Variants in PIGK observed in about 807,000 individuals in gnomAD.
PIGK encodes the protein GPI-anchor transamidase.
Under a neutral mutation model 50.6 loss-of-function variants are expected in PIGK, and 42 were observed. The ratio of observed to expected loss-of-function variants is 0.83; its 90% CI spans 0.65 to 1.07. The LOEUF (loss-of-function observed/expected upper bound fraction) is 1.07. PIGK is among the 50% of genes least tolerant of loss of function. The pLI, the probability that PIGK is intolerant of heterozygous loss-of-function variation, is 0.00. For synonymous variants in PIGK, 151 were observed against 156.0 expected (o/e 0.97, Z 0.24); for missense variants, 448 against 488.7 (o/e 0.92, Z 0.78).
intron 10 of PIGK, among the ~76,000 whole-genome samples, chr1:77,108,458 T>G (rs899340158): frequency 6.6e-6 from 1 of 152,148 alleles, no homozygotes; most frequent in East Asian, 1.9e-4. Context: ...CCGAGAGATC[T>G]GCTGTTAGTC....
rs200985315 is a variant in PIGK, at chr1:77,189,748, TACAC to T, written c.239+16888_239+16891del. Among the ~76,000 whole-genome samples the T allele has an allele frequency of 5.0e-3, 268 of 53,896 alleles. 2 individuals carry two copies. The highest frequency in any genetic ancestry group is 0.034 in the Middle Eastern group (3 of 88). The allele number at this position is 53,896 out of a possible 152,430, so 35.4% of individuals were successfully genotyped here. ...ATATATATATATATATATATATATATACACACACACACACACACACACACACACA... is the reference window on the plus strand; with the variant it reads ...ATATATATATATATATATATATATATACACACACACACACACACACACACA... On this transcript the variant is annotated intron_variant, in intron 3 of 10. Transcript: ENST00000370812.
intron 10 of PIGK, among the ~76,000 whole-genome samples, chr1:77,109,599 G>A (rs1653789362): frequency 6.6e-6 from 1 of 152,114 alleles, no homozygotes. Context: ...AGGTATTGAT[G>A]GGATGTTATC....
intron 5 of PIGK, among the ~76,000 whole-genome samples, chr1:77,166,036 A>T (rs1382346042): frequency 6.6e-6 from 1 of 152,238 alleles, no homozygotes; most frequent in Non-Finnish European, 1.5e-5. Flanking sequence ...GAGCTTAAAC[A>T]AATGTTTGAA....
At chr1:77,154,331 G>T (rs1654958912) in intron 9 of PIGK, 118 bp downstream of exon 9, 2 of 664,166 alleles carry the variant, frequency 3.0e-6, no homozygotes, top group East Asian at 5.4e-5. Context: ...TGAAGACTGG[G>T]TATAAATGTG....
At chr1:77,213,579 G>C (rs919072222) in intron 1 of PIGK, among the ~76,000 whole-genome samples, 8 of 151,998 alleles carry the variant, frequency 5.3e-5, no homozygotes, top group South Asian at 2.1e-4. Flanking sequence ...CTAAAAGGTA[G>C]GTTTATTGCA....
chr1:77,134,299 A>T (rs1382139487), intron 9 of PIGK, among the ~76,000 whole-genome samples: 1 of 152,174 alleles, frequency 6.6e-6, no homozygotes, highest in Non-Finnish European at 1.5e-5. Context: ...CATCCTGAAG[A>T]TGTTTATCTC....
chr1:77,206,561 C>A, intron 3 of PIGK, 79 bp downstream of exon 3: 3 of 829,398 alleles, frequency 3.6e-6, no homozygotes, highest in African/African-American at 1.7e-5. Context: ...AAAAGTAACA[C>A]AAAATACAAA....
chr1:77,197,114 T>C (rs903364251), intron 3 of PIGK, among the ~76,000 whole-genome samples: 7 of 152,138 alleles, frequency 4.6e-5, no homozygotes, highest in Admixed American at 1.3e-4. Context: ...ATCAACGTAA[T>C]TAGAAAACAT....
At chr1:77,182,185 G>A (rs1655630069) in intron 3 of PIGK, among the ~76,000 whole-genome samples, 1 of 152,152 alleles carries the variant, frequency 6.6e-6, no homozygotes, top group African/African-American at 2.4e-5. Flanking sequence ...AAAGTTACAT[G>A]TGGTTGAATA....
At position 77,118,721 on chromosome 1, in the gene PIGK, G is replaced by A. The variant is rs114969282; in HGVS notation, c.1071+3554C>T. Among the ~76,000 whole-genome samples the A allele has an allele frequency of 2.7e-3, 417 of 152,198 alleles. 1 individual carries two copies. The highest frequency in any genetic ancestry group is 9.2e-3 in the African/African-American group (384 of 41,526). On this transcript the variant is annotated intron_variant, in intron 10 of 10. Transcript: ENST00000370812. ...ATCAACTCTCTCAGCATAATTTATT[G>A]AATGATCTTTTAATTTCCCATTGAT...
Position 77,209,420 on chromosome 1 carries a change from T to C in PIGK, c.147+1016A>G, listed in dbSNP as rs1386160014. Among the ~76,000 whole-genome samples the C allele has an allele frequency of 8.5e-5, 13 of 152,070 alleles. 1 individual carries two copies. The highest frequency in any genetic ancestry group is 7.9e-4 in the Admixed American group (12 of 15,264). On this transcript the variant is annotated intron_variant, in intron 2 of 10. Transcript: ENST00000370812. ...AAAAGGGCCAATAAGCAGGCCTTAC[T>C]AAAAATCAAAACAATGCAAATTAAA...
chr1:77,190,309 G>A (rs2100575459), intron 3 of PIGK, among the ~76,000 whole-genome samples: 1 of 152,250 alleles, frequency 6.6e-6, no homozygotes, highest in Non-Finnish European at 1.5e-5. Context: ...GCCGAGGCGG[G>A]AGGACTGCCT....
At chr1:77,163,796 G>A (rs763069049) in intron 6 of PIGK, 50 bp downstream of exon 6, 2 of 968,374 alleles carry the variant, frequency 2.1e-6, no homozygotes, top group South Asian at 3.0e-5. Flanking sequence ...CGAACCATGT[G>A]AAAATTAGGT....
chr1:77,148,625 A>G (rs1307230648), intron 9 of PIGK, among the ~76,000 whole-genome samples: 1 of 151,926 alleles, frequency 6.6e-6, no homozygotes, highest in Non-Finnish European at 1.5e-5. Flanking sequence ...ATGTCGGGGG[A>G]GAGGGAGTTA....
intron 1 of PIGK, among the ~76,000 whole-genome samples, chr1:77,215,038 AG>A: frequency 6.6e-6 from 1 of 152,150 alleles, no homozygotes; most frequent in South Asian, 2.1e-4. Flanking sequence ...TTGAATTGGA[AG>A]AATAAATACT....
rs1428064163 is a variant in PIGK, at chr1:77,195,102, G to A, written c.239+11538C>T. 13 of 1,116,518 alleles carry A rather than the reference G, an allele frequency of 1.2e-5. No individual in the cohort carries two copies. In the Admixed American group the frequency reaches 2.3e-4, roughly 20 times the overall value. 69.2% of individuals were successfully genotyped at this position (1,116,518 alleles called of 1,614,324 possible). Reference sequence around the variant, plus strand: ...GGAACAACCCAGACTGGTGAGGTGTGGTCATATTACACAGGAAGGAGGGTG... The same window carrying A: ...GGAACAACCCAGACTGGTGAGGTGTAGTCATATTACACAGGAAGGAGGGTG... On this transcript the variant is annotated intron_variant, in intron 3 of 10. Transcript: ENST00000370812.
At position 77,089,948 on chromosome 1, in the gene PIGK, T is replaced by TG. The variant is rs547086126; in HGVS notation, c.*2425dup. On this transcript the variant is annotated 3_prime_UTR_variant, in exon 11 of 11. Coordinates refer to ENST00000370812, the MANE Select transcript of PIGK (RefSeq NM_005482.3). ...TTCCTTTTCTCTCTGAAGGACACCATGGGGGAGGAGAAAAAGAACAGCAAA... is the reference window on the plus strand; with the variant it reads ...TTCCTTTTCTCTCTGAAGGACACCATGGGGGGAGGAGAAAAAGAACAGCAAA... 1 of 152,252 alleles carries TG rather than the reference T, an allele frequency of 6.6e-6. No individual in the cohort carries two copies. Among genetic ancestry groups the TG allele is most frequent in the South Asian group, 2.1e-4 (1 of 4,822 alleles). The allele number at this position is 152,252 out of a possible 1,614,324, so 9.4% of individuals were successfully genotyped here. A position where few individuals can be genotyped will look rare whatever the true frequency, so the allele number is the denominator to read the frequency against.
chr1:77,218,380 T>C (rs1226957628), intron 1 of PIGK, among the ~76,000 whole-genome samples: 1 of 152,190 alleles, frequency 6.6e-6, no homozygotes, highest in Non-Finnish European at 1.5e-5. Flanking sequence ...GATCACAGCC[T>C]GAATTAAGTC....
chr1:77,166,320 A>AACT (rs1189025459), intron 5 of PIGK, among the ~76,000 whole-genome samples: 1 of 152,168 alleles, frequency 6.6e-6, no homozygotes, highest in African/African-American at 2.4e-5. Context: ...AAGTATCTAC[A>AACT]GTTGGTAATC....
Sources: gnomAD v4.1 joint callset for allele counts (sites outside exome capture counted in the v4.1 genomes callset) on GRCh38, gnomAD v4.1.1 for gene constraint, MANE v1.5 for transcripts, NCBI Gene and HGNC (gene_info 2026-07-23, HGNC 2026-07-21) for gene names.